SEZ6L: variants seen among roughly 807,000 people sequenced by gnomAD.
SEZ6L encodes the protein seizure related 6 homolog like.
In SEZ6L, 37 loss-of-function variants were observed where a neutral mutation model predicts 106.2. That is an observed-to-expected ratio of 0.35 (90% CI 0.27 to 0.46). The LOEUF (loss-of-function observed/expected upper bound fraction) is 0.46, where lower values mean the gene tolerates loss of function less well. Ranked by LOEUF, SEZ6L falls within the 20% of genes least tolerant of loss-of-function variation. The probability of loss-of-function intolerance (pLI) is 1.00; values close to 1 mark genes in which losing one functional copy is unlikely to be tolerated. For missense variants in SEZ6L, 1,172 were observed against 1,332.8 expected (o/e 0.88, Z 1.88); for synonymous variants, 541 against 570.4 (o/e 0.95, Z 0.73).
chr22:26,319,192 CAA>C (rs1015132506), intron 9 of SEZ6L, among the ~76,000 whole-genome samples: 11 of 152,178 alleles, frequency 7.2e-5, no homozygotes, highest in Non-Finnish European at 8.8e-5. Flanking sequence ...ACTCAAAAGT[CAA>C]AGTCTTCCCA....
intron 1 of SEZ6L, among the ~76,000 whole-genome samples, chr22:26,261,339 A>G (rs1181647086): frequency 6.6e-6 from 1 of 152,156 alleles, no homozygotes; most frequent in African/African-American, 2.4e-5. Flanking sequence ...TATTCGATGT[A>G]TCTTCTAGAA....
chr22:26,379,792 G>A (rs1210251401), intron 16 of SEZ6L, among the ~76,000 whole-genome samples: 1 of 152,230 alleles, frequency 6.6e-6, no homozygotes, highest in Non-Finnish European at 1.5e-5. Context: ...ATACTTATTA[G>A]TAGAGTGTAT....
chr22:26,378,181 C>A (rs146182072), intron 16 of SEZ6L, among the ~76,000 whole-genome samples: 1 of 152,326 alleles, frequency 6.6e-6, no homozygotes, highest in East Asian at 1.9e-4. Context: ...GGAACATAGT[C>A]ATGAACCCCA....
chr22:26,306,484 C>A (rs185839855), intron 6 of SEZ6L, among the ~76,000 whole-genome samples: 1 of 152,170 alleles, frequency 6.6e-6, no homozygotes, highest in Admixed American at 6.5e-5. Flanking sequence ...CAGTACCCAG[C>A]CATATATTAG....
chr22:26,265,346 C>A (rs188406971), intron 1 of SEZ6L, among the ~76,000 whole-genome samples: 3 of 152,120 alleles, frequency 2.0e-5, no homozygotes, highest in Admixed American at 6.5e-5. Flanking sequence ...ACCTCCCGCA[C>A]GCAAGTTCTG....
intron 1 of SEZ6L, among the ~76,000 whole-genome samples, chr22:26,281,374 CTTTT>C (rs769088373): frequency 2.5e-4 from 32 of 130,602 alleles, no homozygotes; most frequent in African/African-American, 8.2e-4. Context: ...TTCTTTCTTT[CTTTT>C]TTTTTTTTTT....
At chr22:26,262,244 T>TTTATCTATC (rs1556283084) in intron 1 of SEZ6L, among the ~76,000 whole-genome samples, 1 of 144,290 alleles carries the variant, frequency 6.9e-6, no homozygotes, top group African/African-American at 2.6e-5. Flanking sequence ...TTGATATATT[T>TTTATCTATC]TATCTATCTA....
intron 1 of SEZ6L, among the ~76,000 whole-genome samples, chr22:26,267,533 G>A (rs1025224634): frequency 2.0e-5 from 3 of 152,160 alleles, no homozygotes; most frequent in Non-Finnish European, 4.4e-5. Flanking sequence ...TGAGCTCTGG[G>A]TAAAGAGGGA....
At chr22:26,256,631 A>G (rs2079830629) in intron 1 of SEZ6L, among the ~76,000 whole-genome samples, 1 of 152,216 alleles carries the variant, frequency 6.6e-6, no homozygotes, top group Admixed American at 6.5e-5. Flanking sequence ...ACTCTCGTGG[A>G]CTTCCACGGC....
intron 1 of SEZ6L, among the ~76,000 whole-genome samples, chr22:26,180,685 T>C (rs1273381747): frequency 6.6e-6 from 1 of 152,180 alleles, no homozygotes; most frequent in Admixed American, 6.5e-5. Context: ...GATCCAGGCA[T>C]TGAAAATCAG....
intron 7 of SEZ6L, 128 bp downstream of exon 7, chr22:26,310,964 T>C (rs375237157): frequency 3.3e-6 from 3 of 909,606 alleles, no homozygotes; most frequent in South Asian, 3.3e-5. Flanking sequence ...GTGGATCCTT[T>C]GGTTTCCAAA....
chr22:26,177,177 G>A (rs1282463126), intron 1 of SEZ6L, among the ~76,000 whole-genome samples: 2 of 152,144 alleles, frequency 1.3e-5, no homozygotes, highest in Non-Finnish European at 2.9e-5. Flanking sequence ...TAGGCAGCCT[G>A]TATAAACCTT....
chr22:26,171,865 T>C (rs1453976423), intron 1 of SEZ6L, among the ~76,000 whole-genome samples: 2 of 152,072 alleles, frequency 1.3e-5, no homozygotes, highest in Non-Finnish European at 2.9e-5. Context: ...CCACAATAAA[T>C]TCTATTTTTA....
At chr22:26,201,382 C>CAAAAAAAAAAAA (rs71192905) in intron 1 of SEZ6L, among the ~76,000 whole-genome samples, 4 of 75,308 alleles carry the variant, frequency 5.3e-5, no homozygotes, top group Non-Finnish European at 9.6e-5. Flanking sequence ...TACAAAAATA[C>CAAAAAAAAAAAA]AAAAAAAAAA....
intron 1 of SEZ6L, among the ~76,000 whole-genome samples, chr22:26,238,942 C>T (rs552807948): frequency 6.6e-6 from 1 of 152,276 alleles, no homozygotes; most frequent in African/African-American, 2.4e-5. Context: ...TGTAACTGGG[C>T]CTCTACATAG....
intron 1 of SEZ6L, among the ~76,000 whole-genome samples, chr22:26,252,507 T>A (rs2079633758): frequency 6.6e-6 from 1 of 152,336 alleles, no homozygotes; most frequent in South Asian, 2.1e-4. Flanking sequence ...GGAGTATGAT[T>A]GATCTCATCA....
chr22:26,242,824 T>G (rs1040279311), intron 1 of SEZ6L: 4 of 152,232 alleles, frequency 2.6e-5, no homozygotes, highest in Non-Finnish European at 5.9e-5. Context: ...GCGGGAAACA[T>G]GCTCCCAGTC....
chr22:26,320,528 G>A (rs1002158084), intron 9 of SEZ6L, among the ~76,000 whole-genome samples: 2 of 152,246 alleles, frequency 1.3e-5, no homozygotes, highest in African/African-American at 4.8e-5. Flanking sequence ...CACTGAGCAA[G>A]TTTAAATCGA....
At chr22:26,236,886 C>T (rs1027565199) in intron 1 of SEZ6L, among the ~76,000 whole-genome samples, 1 of 152,082 alleles carries the variant, frequency 6.6e-6, no homozygotes, top group South Asian at 2.1e-4. Flanking sequence ...CAGAAGCCCC[C>T]ATACACAACA....
Sources: allele counts gnomAD v4.1 joint callset (sites outside exome capture counted in the v4.1 genomes callset), GRCh38; gene constraint gnomAD v4.1.1; transcripts MANE v1.5; gene names NCBI Gene and HGNC (gene_info 2026-07-23, HGNC 2026-07-21).